The following ALG6 variants were observed in gnomAD, a reference collection of about 807,000 sequenced individuals.
ALG6 encodes ALG6 alpha-1,3-glucosyltransferase.
ALG6 carries 46 observed loss-of-function variants against 66.6 expected under a neutral mutation model. The ratio of observed to expected loss-of-function variants is 0.69; its 90% CI spans 0.55 to 0.88. ALG6 has a LOEUF of 0.88. Ranked by LOEUF, ALG6 falls within the 40% of genes least tolerant of loss-of-function variation. ALG6 has a pLI of 0.00. For synonymous variants in ALG6, 185 were observed against 203.7 expected (o/e 0.91, Z 0.78); for missense variants, 505 against 586.8 (o/e 0.86, Z 1.44).
chr1:63,426,280 CA>C (rs1644615173), intron 12 of ALG6, among the ~76,000 whole-genome samples: 1 of 152,032 alleles, frequency 6.6e-6, no homozygotes, highest in African/African-American at 2.4e-5. Flanking sequence ...TGAGGAAGAT[CA>C]AGGAGGTTAC....
At chr1:63,370,432 T>G (rs1647875321) in intron 1 of ALG6, among the ~76,000 whole-genome samples, 1 of 152,238 alleles carries the variant, frequency 6.6e-6, no homozygotes, top group Non-Finnish European at 1.5e-5. Flanking sequence ...CGGTTGTGGT[T>G]TTATATTTAC....
Position 63,410,753 on chromosome 1 carries a change from G to T in ALG6, c.495-393G>T, listed in dbSNP as rs141394601. 9.6e-3 allele frequency among the ~76,000 whole-genome samples: 1,457 copies of T among 152,022 alleles called. 23 individuals carry two copies. The highest frequency in any genetic ancestry group is 0.032 in the African/African-American group (1,345 of 41,472). On this transcript the variant is annotated intron_variant, in intron 7 of 14. Coordinates refer to ENST00000263440, the MANE Select transcript of ALG6 (RefSeq NM_013339.4). ...TAATATATATAATAGAGGAAGTGTA[G>T]CGATCTCAGTAAATTTTTTTTTAAC...
chr1:63,425,281 G>T (rs1178253281), intron 12 of ALG6, among the ~76,000 whole-genome samples: 1 of 152,218 alleles, frequency 6.6e-6, no homozygotes, highest in African/African-American at 2.4e-5. Flanking sequence ...AGGAGGAGCT[G>T]CTGGAGCACT....
At position 63,375,410 on chromosome 1, in the gene ALG6, A is replaced by ATTTTTT. The variant is rs766565038; in HGVS notation, c.82+4373_82+4378dup. ...ACAGGCATGTGCCACCACCCCCGGC[A>ATTTTTT]TTTTTTTTTTTTTTTTTTTTTTTTT... On this transcript the variant is annotated intron_variant, in intron 2 of 14. Coordinates refer to ENST00000263440, the MANE Select transcript of ALG6 (RefSeq NM_013339.4). Among the ~76,000 whole-genome samples, 3 of 77,068 alleles carry ATTTTTT rather than the reference A, an allele frequency of 3.9e-5. No individual in the cohort carries two copies. In the Admixed American group the frequency reaches 4.4e-4, roughly 11 times the overall value. The allele number at this position is 77,068 out of a possible 152,430, so 50.6% of individuals were successfully genotyped here.
intron 7 of ALG6, among the ~76,000 whole-genome samples, chr1:63,408,015 T>G (rs781503742): frequency 2.0e-5 from 3 of 152,096 alleles, no homozygotes; most frequent in Non-Finnish European, 4.4e-5. Flanking sequence ...CTACCAGAGT[T>G]TTAAAACTAT....
intron 4 of ALG6, among the ~76,000 whole-genome samples, chr1:63,403,093 T>TAAAA (rs1644473343): frequency 2.4e-5 from 1 of 42,536 alleles, no homozygotes; most frequent in Non-Finnish European, 3.7e-5. Context: ...AGACTCCATC[T>TAAAA]CAAAAAAAAA....
At chr1:63,375,423 T>C (rs1256798866) in intron 2 of ALG6, among the ~76,000 whole-genome samples, 1 of 144,246 alleles carries the variant, frequency 6.9e-6, no homozygotes, top group Non-Finnish European at 1.5e-5. Context: ...TTTTTTTTTT[T>C]TTTTTTTTTT....
At position 63,402,318 on chromosome 1, in the gene ALG6, T is replaced by C. The variant is rs1644468765; in HGVS notation, c.232T>C (p.Tyr78His). 1 of 1,611,060 alleles carries C rather than the reference T, an allele frequency of 6.2e-7. No individual in the cohort carries two copies. The highest frequency in any genetic ancestry group is 1.3e-5 in the African/African-American group (1 of 74,880). ...WGLDYPPLTA[Y>H]HSLLCAYVAK... is the part of the protein sequence containing the mutation. ...ATTGGATTACCCACCTCTTACAGCT[T>C]ATCATAGTCTCCTATGTGCATATGT... The change falls in exon 4 of 15, where the codon TAT becomes CAT. Residue 78 changes from tyrosine (Y) to histidine (H), a missense_variant. By Grantham distance (83) the Tyr-to-His change is moderately conservative. Coordinates refer to ENST00000263440, the MANE Select transcript of ALG6 (RefSeq NM_013339.4).
At chr1:63,429,518 C>G (rs1468900012) in intron 14 of ALG6, 1 of 170,410 alleles carries the variant, frequency 5.9e-6, no homozygotes, top group South Asian at 1.4e-4. Flanking sequence ...TCTTACAGTT[C>G]TAGAGACTAA....
intron 2 of ALG6, among the ~76,000 whole-genome samples, chr1:63,396,096 A>G (rs143748643): frequency 6.6e-6 from 1 of 152,244 alleles, no homozygotes; most frequent in East Asian, 1.9e-4. Flanking sequence ...GCATCCATGA[A>G]GTTTGATTTC....
chr1:63,389,673 T>A (rs1648610365), intron 2 of ALG6, among the ~76,000 whole-genome samples: 1 of 152,190 alleles, frequency 6.6e-6, no homozygotes, highest in South Asian at 2.1e-4. Context: ...AGGTATTTAT[T>A]GTAGTCTTCA....
chr1:63,435,847 A>C (rs923546941), intron 14 of ALG6, among the ~76,000 whole-genome samples: 2 of 152,212 alleles, frequency 1.3e-5, no homozygotes, highest in Non-Finnish European at 2.9e-5. Flanking sequence ...AAACATTTTC[A>C]TTACTGCAGG....
intron 12 of ALG6, among the ~76,000 whole-genome samples, chr1:63,424,840 G>A (rs1644606821): frequency 6.9e-6 from 1 of 144,108 alleles, no homozygotes; most frequent in Admixed American, 7.1e-5. Context: ...GTACAGTGGT[G>A]CAATCTTAGC....
At chr1:63,429,247 A>G (rs1644633170) in intron 14 of ALG6, 121 bp downstream of exon 14, 1 of 748,606 alleles carries the variant, frequency 1.3e-6, no homozygotes, top group Non-Finnish European at 2.2e-6. Flanking sequence ...CCACTCATTT[A>G]AAGTATACAA....
At chr1:63,427,647 G>A (rs545522648) in intron 12 of ALG6, among the ~76,000 whole-genome samples, 243 of 152,016 alleles carry the variant, frequency 1.6e-3, no homozygotes, top group African/African-American at 5.8e-3. Context: ...GTAAATAAAG[G>A]GCAAACATGG....
Position 63,407,077 on chromosome 1 carries a change from T to C in ALG6, c.445T>C (p.Cys149Arg). ...GTCTTTACAGATTGCTAATGCATTA[T>C]GCATCTTGCTGTATCCAGGCCTTAT... ...STKKKIANAL[C>R]ILLYPGLILI... Residue 149 changes from cysteine to arginine, a missense_variant, in exon 7 of 15, where the codon TGC becomes CGC. Physicochemically the swap from Cys to Arg is radical, Grantham distance 180. Coordinates refer to ENST00000263440, the MANE Select transcript of ALG6 (RefSeq NM_013339.4). 1 of 1,608,442 alleles carries C rather than the reference T, an allele frequency of 6.2e-7. No individual in the cohort carries two copies. The highest frequency in any genetic ancestry group is 8.5e-7 in the Non-Finnish European group (1 of 1,175,280).
rs752222042 is a variant in ALG6 at position 63,437,039 on chromosome 1, T to A, written c.*19T>A. On this transcript the variant is annotated 3_prime_UTR_variant, in exon 15 of 15. Transcript: ENST00000263440. ...CAGCTAGCTGTATTCCTAAACAAAT[T>A]GTTTCCTAAACAAATGTGAAAATGT... 3.1e-6 allele frequency: 5 copies of A among 1,605,636 alleles called. No homozygotes were observed. In the Admixed American group the frequency reaches 8.4e-5, roughly 27 times the overall value.
chr1:63,371,014 A>C lies in ALG6; in HGVS notation c.37A>C (p.Ile13Leu), dbSNP rs1407217511. Residue 13 changes from isoleucine (I) to leucine (L), a missense_variant, in exon 2 of 15, where the codon ATA (isoleucine) becomes CTA (leucine). Transcript: ENST00000263440. ...KWYLMTVVVL[I>L]GLTVRWTVSL... ...GTACTTGATGACAGTAGTGGTTTTA[A>C]TAGGACTAACAGTACGATGGACAGT... 3 of 1,610,934 alleles carry C rather than the reference A, an allele frequency of 1.9e-6. No individual in the cohort carries two copies. Among genetic ancestry groups the C allele is most frequent in the Admixed American group, 3.3e-5 (2 of 59,996 alleles).
At position 63,411,363 on chromosome 1, in the gene ALG6, A is replaced by G. The variant is rs1644515203; in HGVS notation, c.680+32A>G. 6 of 1,597,020 alleles carry G rather than the reference A, an allele frequency of 3.8e-6. No homozygotes were observed. The East Asian group carries it at 1.3e-4, about 36-fold the overall frequency. ...GACTTTTAAACACTAGAATCCAAAA[A>G]TTTACTTCAGATAATTTTTTTGGCA... On this transcript the variant is annotated intron_variant, in intron 8 of 14. Transcript: ENST00000263440.
Sources: allele counts gnomAD v4.1 joint callset (sites outside exome capture counted in the v4.1 genomes callset), GRCh38; gene constraint gnomAD v4.1.1; transcripts MANE v1.5; gene names NCBI Gene and HGNC (gene_info 2026-07-23, HGNC 2026-07-21).